Variants in XPA observed in about 807,000 individuals in gnomAD.
XPA encodes DNA repair protein complementing XP-A cells.
In XPA, 27 loss-of-function variants were observed where a neutral mutation model predicts 35.7. That is an observed-to-expected ratio of 0.76 (90% CI 0.56 to 1.04). The LOEUF (loss-of-function observed/expected upper bound fraction) is 1.04. XPA is among the 50% of genes least tolerant of loss of function. The probability of loss-of-function intolerance (pLI) is 0.00; values close to 1 mark genes in which losing one functional copy is unlikely to be tolerated. For missense variants in XPA, 354 were observed against 342.7 expected (o/e 1.03, Z -0.26); for synonymous variants, 133 against 118.4 (o/e 1.12, Z -0.80).
At chr9:97,657,491 TG>T in the XPA span, among the ~76,000 whole-genome samples, 1 of 152,348 alleles carries the variant, frequency 6.6e-6, no homozygotes, top group East Asian at 1.9e-4. Flanking sequence ...TTCCCACCAC[TG>T]GTGATGTTAA....
chr9:97,683,955 G>A (rs3176698), intron 5 of XPA, among the ~76,000 whole-genome samples: 6,819 of 152,164 alleles, frequency 0.045, 233 homozygotes, highest in East Asian at 0.13. Context: ...ATATAAAACC[G>A]AATATATACA....
chr9:97,682,514 T>C, intron 5 of XPA: 1 of 507,042 alleles, frequency 2.0e-6, no homozygotes, highest in South Asian at 1.4e-5. Flanking sequence ...GACAGTGGAG[T>C]AATGTTACAG....
chr9:97,680,057 A>G (rs1828489959), intron 5 of XPA, among the ~76,000 whole-genome samples: 2 of 152,226 alleles, frequency 1.3e-5, no homozygotes, highest in Non-Finnish European at 2.9e-5. Context: ...ATCAATATGC[A>G]TCATCCTTGA....
intron 5 of XPA, among the ~76,000 whole-genome samples, chr9:97,681,549 T>G (rs1828540292): frequency 6.6e-6 from 1 of 152,192 alleles, no homozygotes; most frequent in Admixed American, 6.5e-5. Context: ...AATGAATTTA[T>G]TTTCCTTTTT....
the XPA span, chr9:97,668,847 G>A: frequency 2.1e-5 from 34 of 1,609,942 alleles, no homozygotes; most frequent in Middle Eastern, 1.7e-4. Flanking sequence ...CTTCTATAGC[G>A]AAGTGATGAT....
chr9:97,682,164 A>G (rs1564041283), intron 5 of XPA: 1 of 410,322 alleles, frequency 2.4e-6, no homozygotes, highest in Non-Finnish European at 4.7e-6. Flanking sequence ...AAAGTAGAAG[A>G]TCATATTCTC....
At chr9:97,672,071 T>A (rs763954719), downstream of XPA, 2 of 152,224 alleles carry the variant, frequency 1.3e-5, no homozygotes, top group Non-Finnish European at 2.9e-5. Context: ...GAGTTTAGAT[T>A]TTGTTTATAT....
the XPA span, chr9:97,662,878 T>C: frequency 2.7e-6 from 3 of 1,105,496 alleles, no homozygotes; most frequent in East Asian, 2.4e-5. Context: ...TTGAGTAACA[T>C]TGAAAAGGCT....
chr9:97,681,521 A>T (rs902029714), intron 5 of XPA, among the ~76,000 whole-genome samples: 2 of 152,218 alleles, frequency 1.3e-5, no homozygotes, highest in Non-Finnish European at 2.9e-5. Flanking sequence ...AGGAAAGTAC[A>T]TAGTAATAAA....
the XPA span, chr9:97,668,983 G>C: frequency 6.3e-7 from 1 of 1,598,706 alleles, no homozygotes. Flanking sequence ...AGGTATCTTG[G>C]CTTGGGACAT....
intron 2 of XPA, among the ~76,000 whole-genome samples, chr9:97,691,796 T>C (rs953003805): frequency 2.0e-5 from 3 of 151,174 alleles, no homozygotes; most frequent in Non-Finnish European, 4.4e-5. Flanking sequence ...GGTAAGAGAA[T>C]CGCTTGAACC....
the XPA span, chr9:97,669,776 C>G: frequency 8.6e-7 from 1 of 1,168,860 alleles, no homozygotes; most frequent in Non-Finnish European, 1.3e-6. Context: ...AAAAAAAATC[C>G]TTGTCAAATT....
At chr9:97,667,158 G>A in the XPA span, among the ~76,000 whole-genome samples, 1 of 152,164 alleles carries the variant, frequency 6.6e-6, no homozygotes, top group Non-Finnish European at 1.5e-5. Context: ...TTGCACAAGG[G>A]AAGTAGCAGA....
Position 97,675,361 on chromosome 9 carries a change from TG to T in XPA, c.*77del. The T allele has an allele frequency of 1.4e-6, 2 of 1,437,618 alleles. No individual in the cohort carries two copies. The highest frequency in any genetic ancestry group is 9.4e-7 in the Non-Finnish European group (1 of 1,066,332). 89.1% of individuals were successfully genotyped at this position (1,437,618 alleles called of 1,614,324 possible). On this transcript the variant is annotated 3_prime_UTR_variant, in exon 6 of 6. Transcript: ENST00000375128. ...TCTATGAAGATGTTGCTTTTTTTTT[TG>T]AATTTTGAAAAGGACCAATCTAAAT...
intron 4 of XPA, among the ~76,000 whole-genome samples, chr9:97,685,250 G>A (rs569169708): frequency 5.9e-5 from 9 of 152,162 alleles, no homozygotes; most frequent in African/African-American, 1.4e-4. Context: ...GTCAGTAAAC[G>A]TATGCTGAAT....
chr9:97,662,823 A>G, the XPA span: 2 of 652,404 alleles, frequency 3.1e-6, no homozygotes, highest in Non-Finnish European at 5.1e-6. Context: ...TGCATCCTTA[A>G]TGGTTAATAC....
At chr9:97,658,578 G>T in the XPA span, 1 of 1,241,546 alleles carries the variant, frequency 8.1e-7, no homozygotes, top group East Asian at 2.3e-5. Context: ...CAGGTAAGTC[G>T]GGTGTTACCG....
chr9:97,669,693 A>G, the XPA span: 1 of 1,594,114 alleles, frequency 6.3e-7, no homozygotes, highest in Non-Finnish European at 8.6e-7. Context: ...AGGCTGCAGC[A>G]GATCTTCCTA....
the XPA span, among the ~76,000 whole-genome samples, chr9:97,665,952 T>C: frequency 2.6e-5 from 4 of 152,168 alleles, no homozygotes; most frequent in Non-Finnish European, 5.9e-5. Context: ...GAGTGGATCA[T>C]CATAAAGGTC....
Sources: gnomAD v4.1 joint callset for allele counts (sites outside exome capture counted in the v4.1 genomes callset) on GRCh38, gnomAD v4.1.1 for gene constraint, MANE v1.5 for transcripts, NCBI Gene and HGNC (gene_info 2026-07-23, HGNC 2026-07-21) for gene names.